The following MCCC2 variants were observed in gnomAD, a reference collection of about 807,000 sequenced individuals.
MCCC2 encodes methylcrotonoyl-CoA carboxylase beta chain, mitochondrial.
Under a neutral mutation model 77.2 loss-of-function variants are expected in MCCC2, and 52 were observed. The ratio of observed to expected loss-of-function variants is 0.67; its 90% CI spans 0.54 to 0.85. MCCC2 has a LOEUF of 0.85. MCCC2 is among the 40% of genes least tolerant of loss of function. MCCC2 has a pLI of 0.00. For missense variants in MCCC2, 682 were observed against 703.2 expected, an observed-to-expected ratio of 0.97 and a Z score of 0.34; for synonymous variants, 253 against 248.4, an observed-to-expected ratio of 1.02 and a Z score of -0.18.
intron 12 of MCCC2, among the ~76,000 whole-genome samples, chr5:71,645,986 C>T (rs909401347): frequency 6.6e-6 from 1 of 151,710 alleles, no homozygotes; most frequent in African/African-American, 2.4e-5. Flanking sequence ...TGCTTGAGCC[C>T]AGGAGTTTGA....
chr5:71,647,418 G>C (rs1039228363), intron 13 of MCCC2, among the ~76,000 whole-genome samples: 1 of 152,162 alleles, frequency 6.6e-6, no homozygotes, highest in Non-Finnish European at 1.5e-5. Context: ...TTATGTAAAA[G>C]GGCAGATAGA....
At chr5:71,589,212 G>A (rs912862564) in intron 1 of MCCC2, among the ~76,000 whole-genome samples, 7 of 152,226 alleles carry the variant, frequency 4.6e-5, no homozygotes, top group African/African-American at 2.4e-5. Flanking sequence ...ATTTAGTTAG[G>A]TGGAACTGCC....
intron 12 of MCCC2, among the ~76,000 whole-genome samples, chr5:71,645,751 G>T (rs903918230): frequency 8.5e-5 from 13 of 152,132 alleles, no homozygotes; most frequent in African/African-American, 3.1e-4. Flanking sequence ...CATCCTTGAC[G>T]CAACAATAGT....
chr5:71,604,222 A>G (rs1373306344), intron 5 of MCCC2, 134 bp from the exon 6 acceptor site: 4 of 751,024 alleles, frequency 5.3e-6, no homozygotes, highest in Non-Finnish European at 4.7e-6. Flanking sequence ...ACGAGGCTCT[A>G]TAACAGTTTA....
rs73763910 is a variant in MCCC2 at position 71,646,106 on chromosome 5, G to T, written c.1150-105G>T. 1.3e-3 allele frequency: 1,215 copies of T among 931,702 alleles called. 14 individuals carry two copies. The African/African-American group carries it at 0.018, about 14-fold the overall frequency. 57.7% of individuals were successfully genotyped at this position (931,702 alleles called of 1,614,324 possible). ...TAAGAAGAGAAAAAATTTTAAAGGG[G>T]AGTATTCTTTCTTGTCTTTGGCTGA... On this transcript the variant is annotated intron_variant, in intron 12 of 16. Coordinates refer to ENST00000340941, the MANE Select transcript of MCCC2 (RefSeq NM_022132.5).
intron 6 of MCCC2, among the ~76,000 whole-genome samples, chr5:71,609,723 T>C (rs1330206428): frequency 6.6e-6 from 1 of 151,962 alleles, no homozygotes; most frequent in Non-Finnish European, 1.5e-5. Flanking sequence ...TCTTTGATGA[T>C]AGTGATGTAC....
rs1210155029 is a variant in MCCC2 at position 71,608,522 on chromosome 5, CTT to C, written c.624+4056_624+4057del. Among the ~76,000 whole-genome samples the C allele has an allele frequency of 2.7e-5, 4 of 150,210 alleles. No individual in the cohort carries two copies. The South Asian group carries it at 8.6e-4, about 32-fold the overall frequency. ...TACAGCACACTGATGGGTCTTGACT[CTT>C]TATCCAGTTTGCCAGTCTGTGTCTT... On this transcript the variant is annotated intron_variant, in intron 6 of 16. Coordinates refer to ENST00000340941, the MANE Select transcript of MCCC2 (RefSeq NM_022132.5).
chr5:71,656,192 C>T (rs1297271271), intron 16 of MCCC2, among the ~76,000 whole-genome samples: 1 of 152,050 alleles, frequency 6.6e-6, no homozygotes, highest in Non-Finnish European at 1.5e-5. Flanking sequence ...TGCACTCCAG[C>T]CTGGGTGACA....
chr5:71,624,401 G>A (rs191919418), intron 6 of MCCC2, among the ~76,000 whole-genome samples: 60 of 151,572 alleles, frequency 4.0e-4, no homozygotes, highest in Admixed American at 1.7e-3. Flanking sequence ...TTTTTGAGAC[G>A]GAGTTTTGCT....
rs886060738 is a variant in MCCC2 at position 71,652,752 on chromosome 5, A to G, written c.1572A>G (p.Ala524=). 1 of 1,613,972 alleles carries G rather than the reference A, an allele frequency of 6.2e-7. No homozygotes were observed. Among genetic ancestry groups the G allele is most frequent in the Non-Finnish European group, 8.5e-7 (1 of 1,179,846 alleles). ...EEEGNPYYSS[A]RVWDDGIIDP... is the part of the protein sequence containing the mutation. Reference sequence around the variant, plus strand: ...AAGGAAACCCTTACTATTCCAGCGCAAGGTGGGGGCCAGAACATCACTAAC... The same window carrying G: ...AAGGAAACCCTTACTATTCCAGCGCGAGGTGGGGGCCAGAACATCACTAAC... The change falls in exon 16 of 17, where the codon GCA becomes GCG. Residue 524 remains alanine, a splice_region_variant and synonymous_variant. Transcript: ENST00000340941.
intron 10 of MCCC2, among the ~76,000 whole-genome samples, chr5:71,639,211 C>A (rs1207897460): frequency 6.6e-6 from 1 of 152,142 alleles, no homozygotes; most frequent in Admixed American, 6.5e-5. Flanking sequence ...CTAACCTCTC[C>A]CCAGCTATGA....
chr5:71,601,006 GC>G (rs1380108425), intron 4 of MCCC2, among the ~76,000 whole-genome samples: 1 of 152,210 alleles, frequency 6.6e-6, no homozygotes, highest in Non-Finnish European at 1.5e-5. Context: ...TGGTCCCTGT[GC>G]CCCCCTTTAA....
intron 16 of MCCC2, among the ~76,000 whole-genome samples, chr5:71,655,612 C>A (rs2112476835): frequency 6.6e-6 from 1 of 152,078 alleles, no homozygotes; most frequent in Non-Finnish European, 1.5e-5. Flanking sequence ...ACTTTAGGGT[C>A]CCTATTATGA....
At chr5:71,611,604 A>G (rs1198798187) in intron 6 of MCCC2, among the ~76,000 whole-genome samples, 1 of 152,148 alleles carries the variant, frequency 6.6e-6, no homozygotes, top group Non-Finnish European at 1.5e-5. Context: ...ATGGCTATTT[A>G]CTATGTATGT....
chr5:71,603,181 G>A (rs1482125307), intron 5 of MCCC2: 1 of 155,314 alleles, frequency 6.4e-6, no homozygotes, highest in Non-Finnish European at 1.4e-5. Context: ...GGGAGGCCGA[G>A]GCAGGCGGAT....
intron 12 of MCCC2, among the ~76,000 whole-genome samples, chr5:71,644,276 C>T (rs902712306): frequency 6.6e-6 from 1 of 152,064 alleles, no homozygotes; most frequent in Non-Finnish European, 1.5e-5. Flanking sequence ...CCTGAAAGTG[C>T]TTCATGTCCT....
chr5:71,626,120 C>A (rs1029866920), intron 6 of MCCC2, among the ~76,000 whole-genome samples: 7 of 152,164 alleles, frequency 4.6e-5, no homozygotes, highest in Non-Finnish European at 1.0e-4. Flanking sequence ...TCAATACAAT[C>A]GACTTTTCTT....
rs1437014016 is a variant in MCCC2 at position 71,657,874 on chromosome 5, C to T, written c.*1014C>T. On this transcript the variant is annotated 3_prime_UTR_variant, in exon 17 of 17. Coordinates refer to ENST00000340941, the MANE Select transcript of MCCC2 (RefSeq NM_022132.5). Reference sequence around the variant, plus strand: ...CTTAACCCAGCTCTCCCCTGAGCTGCAGGCCTGCATATCCAGTAGGTCTAC... The same window carrying T: ...CTTAACCCAGCTCTCCCCTGAGCTGTAGGCCTGCATATCCAGTAGGTCTAC... 6.6e-6 allele frequency: 1 copy of T among 152,206 alleles called. No homozygotes were observed. Among genetic ancestry groups the T allele is most frequent in the Non-Finnish European group, 1.5e-5 (1 of 68,060 alleles). The allele number at this position is 152,206 out of a possible 1,614,324, so 9.4% of individuals were successfully genotyped here.
intron 7 of MCCC2, among the ~76,000 whole-genome samples, chr5:71,629,254 C>T (rs937867041): frequency 6.6e-6 from 1 of 151,698 alleles, no homozygotes; most frequent in African/African-American, 2.4e-5. Flanking sequence ...AATGATTTTA[C>T]TTCTATGAAA....
Sources: gnomAD v4.1 joint callset for allele counts (sites outside exome capture counted in the v4.1 genomes callset) on GRCh38, gnomAD v4.1.1 for gene constraint, MANE v1.5 for transcripts, NCBI Gene and HGNC (gene_info 2026-07-23, HGNC 2026-07-21) for gene names.